The following CCNA2 variants were observed in gnomAD, a reference collection of about 807,000 sequenced individuals.
CCNA2 encodes cyclin A2, also known as cyclin-A2.
In CCNA2, 3 loss-of-function variants were observed where a neutral mutation model predicts 49.4. The observed-to-expected ratio is 0.06, with a 90% CI of 0.03 to 0.16. The LOEUF (loss-of-function observed/expected upper bound fraction) is 0.16, where lower values mean the gene tolerates loss of function less well. CCNA2 is among the 10% of genes least tolerant of loss of function. CCNA2 has a pLI of 1.00. For missense variants in CCNA2, 372 were observed against 519.7 expected (o/e 0.72, Z 2.76); for synonymous variants, 206 against 197.2 (o/e 1.04, Z -0.37).
chr4:121,822,166 T>C (rs1236685009), intron 2 of CCNA2, among the ~76,000 whole-genome samples: 1 of 152,190 alleles, frequency 6.6e-6, no homozygotes, highest in African/African-American at 2.4e-5. Flanking sequence ...TATAATTAGA[T>C]TGATGTGACT....
Position 121,818,785 on chromosome 4 carries a change from G to A in CCNA2, c.1116+15C>T, listed in dbSNP as rs754178369. 1 of 1,475,394 alleles carries A rather than the reference G, an allele frequency of 6.8e-7. No homozygotes were observed. Among genetic ancestry groups the A allele is most frequent in the South Asian group, 1.1e-5 (1 of 88,058 alleles). The allele number at this position is 1,475,394 out of a possible 1,614,324, so 91.4% of individuals were successfully genotyped here. A position where few individuals can be genotyped will look rare whatever the true frequency, so the allele number is the denominator to read the frequency against. ...TTCAGTCACAAGATAGGTGTGTGAA[G>A]ACCGTAATACATACCCAGCTTTGTC... On this transcript the variant is annotated intron_variant, in intron 6 of 7. Coordinates refer to ENST00000274026, the MANE Select transcript of CCNA2 (RefSeq NM_001237.5).
In CCNA2 at chr4:121,823,429, G is replaced by C. The variant is rs1041908442; in HGVS notation, c.200C>G (p.Pro67Arg). The C allele has an allele frequency of 1.2e-6, 2 of 1,611,702 alleles. No homozygotes were observed. The highest frequency in any genetic ancestry group is 1.3e-5 in the African/African-American group (1 of 74,858). Reference protein sequence around the residue: ...NPRGLAQQQRPKTRRVAPLKD... With the variant: ...NPRGLAQQQRRKTRRVAPLKD... ...GCATCCCTTTACCCGTCTCGTCTTC[G>C]GCCTCTGCTGCTGCGCTAGACCCCG... Residue 67 changes from proline to arginine, a missense_variant, in exon 1 of 8, where the codon CCG becomes CGG. Pro to Arg is a moderately radical substitution (Grantham distance 103). Around this residue, in one of 2 missense-constraint regions of CCNA2, gnomAD observed 217 missense variants for 231.7 expected, o/e 0.94. Transcript: ENST00000274026.
chr4:121,816,823 G>T lies in CCNA2; in HGVS notation c.*815C>A. 1 of 1,598,194 alleles carries T rather than the reference G, an allele frequency of 6.3e-7. No homozygotes were observed. Among genetic ancestry groups the T allele is most frequent in the Admixed American group, 1.7e-5 (1 of 58,316 alleles). ...AAAAAGCACCAAGTAAAAAGCCAGTGAAAAGAAGAAAAAAGAAGAGAGCTG... is the reference window on the plus strand; with the variant it reads ...AAAAAGCACCAAGTAAAAAGCCAGTTAAAAGAAGAAAAAAGAAGAGAGCTG... On this transcript the variant is annotated 3_prime_UTR_variant, in exon 8 of 8. Transcript: ENST00000274026.
At position 121,823,871 on chromosome 4, in the gene CCNA2, C is replaced by A. The variant is rs1724770739; in HGVS notation, c.-243G>T. 1 of 610,394 alleles carries A rather than the reference C, an allele frequency of 1.6e-6. No homozygotes were observed. The highest frequency in any genetic ancestry group is 2.6e-6 in the Non-Finnish European group (1 of 377,440). 37.8% of individuals were successfully genotyped at this position (610,394 alleles called of 1,614,324 possible). On this transcript the variant is annotated 5_prime_UTR_variant, in exon 1 of 8. Transcript: ENST00000274026. ...GAGCCAAAGACGCCCAGAGATGCAG[C>A]GAGCAGCCCGCCGGAGCGGCGGCTG...
At chr4:121,819,633 T>C (rs577233575) in intron 4 of CCNA2, 54 bp from the exon 5 acceptor site, 3 of 1,228,868 alleles carry the variant, frequency 2.4e-6, no homozygotes, top group East Asian at 4.7e-5. Context: ...CAAGCTTCCT[T>C]ATCCCAGTTC....
rs1363199644 is a variant in CCNA2, at chr4:121,817,338, C to CA, written c.*299dup. On this transcript the variant is annotated 3_prime_UTR_variant, in exon 8 of 8. Coordinates refer to ENST00000274026, the MANE Select transcript of CCNA2 (RefSeq NM_001237.5). ...AAACCAAGTAAACTTCTTTACTAAG[C>CA]AAAATCCTGAAGAAGTTAAATTTGA... is the stretch of plus-strand genomic sequence containing the variant. 1 of 282,710 alleles carries CA rather than the reference C, an allele frequency of 3.5e-6. No homozygotes were observed. The highest frequency in any genetic ancestry group is 2.2e-5 in the African/African-American group (1 of 45,226). The allele number at this position is 282,710 out of a possible 1,614,324, so 17.5% of individuals were successfully genotyped here.
At chr4:121,819,648 A>T in intron 4 of CCNA2, 69 bp from the exon 5 acceptor site, 1 of 1,031,028 alleles carries the variant, frequency 9.7e-7, no homozygotes, top group Non-Finnish European at 1.5e-6. Flanking sequence ...CAGTTCTGAA[A>T]TCCCATTAGC....
chr4:121,819,907 C>G (rs914474328), intron 4 of CCNA2, among the ~76,000 whole-genome samples: 1 of 150,226 alleles, frequency 6.7e-6, no homozygotes, highest in Admixed American at 6.6e-5. Flanking sequence ...AAACATGTTT[C>G]ATGTTTTCAT....
At chr4:121,818,759 T>C (rs767762684) in intron 6 of CCNA2, 41 bp downstream of exon 6, 27 of 1,188,362 alleles carry the variant, frequency 2.3e-5, no homozygotes, top group Non-Finnish European at 2.6e-5. Context: ...GGCACAGGCA[T>C]TTCAGTCACA....
In CCNA2 at chr4:121,816,813, A is replaced by T; in HGVS notation, c.*825T>A. ...GCAAAACAAGAAAAAGCACCAAGTA[A>T]AAAGCCAGTGAAAAGAAGAAAAAAG... On this transcript the variant is annotated 3_prime_UTR_variant, in exon 8 of 8. Coordinates refer to ENST00000274026, the MANE Select transcript of CCNA2 (RefSeq NM_001237.5). The T allele has an allele frequency of 6.2e-7, 1 of 1,602,856 alleles. No individual in the cohort carries two copies. Among genetic ancestry groups the T allele is most frequent in the Non-Finnish European group, 8.5e-7 (1 of 1,173,774 alleles).
chr4:121,821,774 C>T (rs1479306128), intron 2 of CCNA2, among the ~76,000 whole-genome samples: 1 of 151,936 alleles, frequency 6.6e-6, no homozygotes, highest in Non-Finnish European at 1.5e-5. Flanking sequence ...TCCTCACAAT[C>T]AATACAACTA....
chr4:121,821,010 T>A lies in CCNA2; in HGVS notation c.539A>T (p.Glu180Val), dbSNP rs147878070. 342 of 1,613,040 alleles carry A rather than the reference T, an allele frequency of 2.1e-4. 1 individual carries two copies. In the African/African-American group the frequency reaches 3.9e-3, roughly 19 times the overall value. Residue 180 changes from glutamate (E) to valine (V), a missense_variant, in exon 3 of 8, where the codon GAG becomes GTG. Coordinates refer to ENST00000274026, the MANE Select transcript of CCNA2 (RefSeq NM_001237.5). The stretch of plus-strand genomic sequence containing the variant: ...TTCCCTAAGGTATGTGTGAATATCC[T>A]CATGGTAGTCTGGTACTTCATTAAC... Reference protein sequence around the residue: ...VSVNEVPDYHEDIHTYLREME... With the variant: ...VSVNEVPDYHVDIHTYLREME...
intron 1 of CCNA2, 62 bp from the exon 2 acceptor site, chr4:121,822,708 G>GTT (rs2149043347): frequency 6.5e-7 from 1 of 1,528,348 alleles, no homozygotes; most frequent in South Asian, 1.2e-5. Flanking sequence ...TCTTATGGGT[G>GTT]TTGGCCTTTG....
chr4:121,816,519 A>T lies in CCNA2; in HGVS notation c.*1119T>A. On this transcript the variant is annotated 3_prime_UTR_variant, in exon 8 of 8. Coordinates refer to ENST00000274026, the MANE Select transcript of CCNA2 (RefSeq NM_001237.5). ...TTATAGAGGTTTGCTCTCTGGTTTTACTCTCATCTTGCCACATGACTATAA... is the reference window on the plus strand; with the variant it reads ...TTATAGAGGTTTGCTCTCTGGTTTTTCTCTCATCTTGCCACATGACTATAA... The T allele has an allele frequency of 9.8e-7, 1 of 1,018,386 alleles. No homozygotes were observed. The highest frequency in any genetic ancestry group is 1.5e-6 in the Non-Finnish European group (1 of 687,612). The allele number at this position is 1,018,386 out of a possible 1,614,324, so 63.1% of individuals were successfully genotyped here.
At position 121,817,042 on chromosome 4, in the gene CCNA2, A is replaced by C; in HGVS notation, c.*596T>G. The stretch of plus-strand genomic sequence containing the variant: ...GAGCATTTCTCGTCTGTTAATTTGC[A>C]TATAAGCTTCCCACCCTCTTCCACT... On this transcript the variant is annotated 3_prime_UTR_variant, in exon 8 of 8. Transcript: ENST00000274026. The C allele has an allele frequency of 1.7e-6, 1 of 599,170 alleles. No homozygotes were observed. Among genetic ancestry groups the C allele is most frequent in the South Asian group, 2.6e-5 (1 of 38,966 alleles). The allele number at this position is 599,170 out of a possible 1,614,324, so 37.1% of individuals were successfully genotyped here. A position where few individuals can be genotyped will look rare whatever the true frequency, so the allele number is the denominator to read the frequency against.
rs373413178 is a variant in CCNA2, at chr4:121,818,947, G to A, written c.1003-34C>T. 2.4e-4 allele frequency: 335 copies of A among 1,375,358 alleles called. 1 individual carries two copies. The highest frequency in any genetic ancestry group is 3.1e-4 in the African/African-American group (22 of 70,110). The allele number at this position is 1,375,358 out of a possible 1,614,324, so 85.2% of individuals were successfully genotyped here. On this transcript the variant is annotated intron_variant, in intron 5 of 7. Coordinates refer to ENST00000274026, the MANE Select transcript of CCNA2 (RefSeq NM_001237.5). ...AAAAATACTTTATGATCACAAGAGC[G>A]TTTAGAATTCAAATGTCAAACCTCT...
chr4:121,817,577 A>G lies in CCNA2; in HGVS notation c.*61T>C. The stretch of plus-strand genomic sequence containing the variant: ...TTGTAAAATTAAAACCTAAGTTAAA[A>G]ACTGTACACCATATACTTTGAGTGA... On this transcript the variant is annotated 3_prime_UTR_variant, in exon 8 of 8. Transcript: ENST00000274026. The G allele has an allele frequency of 1.3e-6, 2 of 1,592,390 alleles. No homozygotes were observed. The highest frequency in any genetic ancestry group is 1.7e-6 in the Non-Finnish European group (2 of 1,170,344).
Position 121,816,534 on chromosome 4 carries a change from C to A in CCNA2, c.*1104G>T. On this transcript the variant is annotated 3_prime_UTR_variant, in exon 8 of 8. Transcript: ENST00000274026. ...CTCTGGTTTTACTCTCATCTTGCCACATGACTATAAACAAAAAGACATCCC... is the reference window on the plus strand; with the variant it reads ...CTCTGGTTTTACTCTCATCTTGCCAAATGACTATAAACAAAAAGACATCCC... The A allele has an allele frequency of 1.1e-6, 1 of 921,362 alleles. No individual in the cohort carries two copies. Among genetic ancestry groups the A allele is most frequent in the Admixed American group, 2.7e-5 (1 of 37,278 alleles). 57.1% of individuals were successfully genotyped at this position (921,362 alleles called of 1,614,324 possible). A position where few individuals can be genotyped will look rare whatever the true frequency, so the allele number is the denominator to read the frequency against.
At position 121,820,504 on chromosome 4, in the gene CCNA2, G is replaced by T; in HGVS notation, c.794+38C>A. ...AAATCAATTTCTTCCCTAGACAAAA[G>T]GTCGTGATCACTTTTAAACAAACCA... On this transcript the variant is annotated intron_variant, in intron 4 of 7. Transcript: ENST00000274026. This position sits in a 1 kb window ranked among gnomAD's most constrained non-coding sequence, Gnocchi z 4.1. 2 of 1,432,396 alleles carry T rather than the reference G, an allele frequency of 1.4e-6. No individual in the cohort carries two copies. Among genetic ancestry groups the T allele is most frequent in the South Asian group, 1.2e-5 (1 of 81,740 alleles). 88.7% of individuals were successfully genotyped at this position (1,432,396 alleles called of 1,614,324 possible).
Sources: allele counts gnomAD v4.1 joint callset (sites outside exome capture counted in the v4.1 genomes callset), GRCh38; gene constraint gnomAD v4.1.1; regional missense constraint gnomAD v4.1.1; non-coding constraint Gnocchi (gnomAD v3.1); transcripts MANE v1.5; gene names NCBI Gene and HGNC (gene_info 2026-07-23, HGNC 2026-07-21).